The following HRK variants were observed in gnomAD, a reference collection of about 807,000 sequenced individuals.
HRK encodes harakiri, BCL2 interacting protein.
HRK carries 6 observed loss-of-function variants against 5.9 expected under a neutral mutation model. That is an observed-to-expected ratio of 1.02 (90% CI 0.56 to 2.01). HRK has a LOEUF of 2.01. Among genes scored for constraint, HRK ranks in the 30% most tolerant of loss-of-function variants. The pLI, the probability that HRK is intolerant of heterozygous loss-of-function variation, is 0.00. For synonymous variants in HRK, 85 were observed against 65.1 expected (o/e 1.31, Z -1.47); for missense variants, 133 against 128.3 (o/e 1.04, Z -0.18).
chr12:116,864,266 A>C (rs1329420661), intron 1 of HRK, among the ~76,000 whole-genome samples: 2 of 152,210 alleles, frequency 1.3e-5, no homozygotes, highest in Non-Finnish European at 2.9e-5. Flanking sequence ...GGTGGGATGG[A>C]AGGAGAGACA....
Position 116,862,495 on chromosome 12 carries a change from T to C in HRK, c.*57-1029A>G, listed in dbSNP as rs527790015. Among the ~76,000 whole-genome samples, 3 of 152,286 alleles carry C rather than the reference T, an allele frequency of 2.0e-5. No individual in the cohort carries two copies. The highest frequency in any genetic ancestry group is 7.2e-5 in the African/African-American group (3 of 41,568). ...CACATATTGTGTGATTCCATTTATA[T>C]GAAATGTCCACAACAGGCAGATCTT... On this transcript the variant is annotated intron_variant, in intron 1 of 1. Coordinates refer to ENST00000257572, the MANE Select transcript of HRK (RefSeq NM_003806.4). The surrounding 1 kb of genome is among the most constrained non-coding windows in gnomAD (Gnocchi z 4.0).
chr12:116,881,350 G>A lies in HRK; in HGVS notation c.-43C>T. Reference sequence around the variant, plus strand: ...CCGCCCCGCGCTCGGGCCGCCCCTCGCCTCCTCTCCCTCCGGCCTCTGCGC... The same window carrying A: ...CCGCCCCGCGCTCGGGCCGCCCCTCACCTCCTCTCCCTCCGGCCTCTGCGC... On this transcript the variant is annotated 5_prime_UTR_variant, in exon 1 of 2. Transcript: ENST00000257572. 9.6e-7 allele frequency: 1 copy of A among 1,042,392 alleles called. No homozygotes were observed. The allele number at this position is 1,042,392 out of a possible 1,614,324, so 64.6% of individuals were successfully genotyped here.
intron 1 of HRK, among the ~76,000 whole-genome samples, chr12:116,864,702 G>A (rs1010576233): frequency 6.6e-6 from 1 of 152,204 alleles, no homozygotes; most frequent in African/African-American, 2.4e-5. Context: ...GCTCACGCCT[G>A]TAATCCCAGC....
chr12:116,866,432 T>A (rs1175439217), intron 1 of HRK, among the ~76,000 whole-genome samples: 4 of 150,692 alleles, frequency 2.7e-5, no homozygotes, highest in Non-Finnish European at 5.9e-5. Context: ...AAGCTCTCCA[T>A]GCAGAATCCT....
intron 1 of HRK, among the ~76,000 whole-genome samples, chr12:116,870,528 A>G (rs1878708318): frequency 6.6e-6 from 1 of 152,146 alleles, no homozygotes; most frequent in African/African-American, 2.4e-5. Context: ...GGCCAGTGAC[A>G]TGGGCTGGGC....
In HRK at chr12:116,878,887, T is replaced by C. The variant is rs1395329935; in HGVS notation, c.*56+2089A>G. ...GGGGAAATAAACTCCACAGAGACAATAACCTGCTGCTGCCCCCCAACACCG... is the reference window on the plus strand; with the variant it reads ...GGGGAAATAAACTCCACAGAGACAACAACCTGCTGCTGCCCCCCAACACCG... On this transcript the variant is annotated intron_variant, in intron 1 of 1. Transcript: ENST00000257572. This position sits in a 1 kb window ranked among gnomAD's most constrained non-coding sequence, Gnocchi z 4.4. Among the ~76,000 whole-genome samples, 1 of 151,916 alleles carries C rather than the reference T, an allele frequency of 6.6e-6. No homozygotes were observed. Among genetic ancestry groups the C allele is most frequent in the Non-Finnish European group, 1.5e-5 (1 of 67,980 alleles).
intron 1 of HRK, among the ~76,000 whole-genome samples, chr12:116,872,459 A>G (rs539901491): frequency 2.0e-5 from 3 of 152,266 alleles, no homozygotes; most frequent in Admixed American, 2.0e-4. Flanking sequence ...TACAGATAAT[A>G]TATTTATAGT....
In HRK at chr12:116,861,098, GT is replaced by G. The variant is rs1368646951; in HGVS notation, c.*424del. ...TAATTCCCACCAGTCTTTGCAAATA[GT>G]TTCTAAGTACACAGCAGGCATCTCT... On this transcript the variant is annotated 3_prime_UTR_variant, in exon 2 of 2. Transcript: ENST00000257572. 2 of 152,244 alleles carry G rather than the reference GT, an allele frequency of 1.3e-5. No homozygotes were observed. Among genetic ancestry groups the G allele is most frequent in the East Asian group, 3.9e-4 (2 of 5,182 alleles). The allele number at this position is 152,244 out of a possible 1,614,324, so 9.4% of individuals were successfully genotyped here.
chr12:116,859,332 T>C lies in HRK; in HGVS notation c.*2191A>G, dbSNP rs2137240615. ...CATGCCCCCACTACGATCTTGAAGGTACAGCCTTAAAGAAGCAGAGAACTG... is the reference window on the plus strand; with the variant it reads ...CATGCCCCCACTACGATCTTGAAGGCACAGCCTTAAAGAAGCAGAGAACTG... On this transcript the variant is annotated 3_prime_UTR_variant, in exon 2 of 2. Coordinates refer to ENST00000257572, the MANE Select transcript of HRK (RefSeq NM_003806.4). 1 of 152,304 alleles carries C rather than the reference T, an allele frequency of 6.6e-6. No individual in the cohort carries two copies. The highest frequency in any genetic ancestry group is 2.1e-4 in the South Asian group (1 of 4,824). The allele number at this position is 152,304 out of a possible 1,614,324, so 9.4% of individuals were successfully genotyped here.
At position 116,862,846 on chromosome 12, in the gene HRK, C is replaced by T. The variant is rs1878414486; in HGVS notation, c.*57-1380G>A. 6.6e-6 allele frequency among the ~76,000 whole-genome samples: 1 copy of T among 152,152 alleles called. No individual in the cohort carries two copies. The highest frequency in any genetic ancestry group is 1.5e-5 in the Non-Finnish European group (1 of 68,030). ...TCCTGGGTTCAAGCAACCTCTGCCT[C>T]CTGCCTCAGCCTCCCAAGTAGCTGG... On this transcript the variant is annotated intron_variant, in intron 1 of 1. Transcript: ENST00000257572. This position sits in a 1 kb window ranked among gnomAD's most constrained non-coding sequence, Gnocchi z 4.0.
intron 1 of HRK, among the ~76,000 whole-genome samples, chr12:116,871,146 G>A (rs956652979): frequency 1.3e-5 from 2 of 148,458 alleles, no homozygotes; most frequent in African/African-American, 2.6e-5. Context: ...TAGTAGAAGC[G>A]AGGTTTCACC....
chr12:116,876,945 G>A, intron 1 of HRK: 1 of 152,444 alleles, frequency 6.6e-6, no homozygotes, highest in Non-Finnish European at 1.5e-5. Flanking sequence ...TTCCACTGGG[G>A]ATCACTTAGG....
chr12:116,870,399 C>T (rs1211858207), intron 1 of HRK, among the ~76,000 whole-genome samples: 1 of 152,172 alleles, frequency 6.6e-6, no homozygotes, highest in Non-Finnish European at 1.5e-5. Flanking sequence ...AGGCGTCATC[C>T]ACACTCCCAC....
rs1199736870 is a variant in HRK at position 116,858,686 on chromosome 12, TTCTCTC to T, written c.*2831_*2836del. Reference sequence around the variant, plus strand: ...AATTTATTTCAAAGCCTCCCTCCCTTTCTCTCTCTCTCTCTTCACAGACGCTCTGCA... The same window carrying T: ...AATTTATTTCAAAGCCTCCCTCCCTTTCTCTCTCTTCACAGACGCTCTGCA... On this transcript the variant is annotated 3_prime_UTR_variant, in exon 2 of 2. Coordinates refer to ENST00000257572, the MANE Select transcript of HRK (RefSeq NM_003806.4). 6.7e-6 allele frequency: 1 copy of T among 148,558 alleles called. No individual in the cohort carries two copies. The highest frequency in any genetic ancestry group is 1.5e-5 in the Non-Finnish European group (1 of 67,138). The allele number at this position is 148,558 out of a possible 1,614,324, so 9.2% of individuals were successfully genotyped here.
chr12:116,866,336 T>C (rs985623319), intron 1 of HRK, among the ~76,000 whole-genome samples: 6 of 148,966 alleles, frequency 4.0e-5, no homozygotes, highest in Non-Finnish European at 8.9e-5. Flanking sequence ...GCAGGAGGAT[T>C]GCTTGAGCCC....
At chr12:116,873,230 G>C (rs1320401443) in intron 1 of HRK, among the ~76,000 whole-genome samples, 25 of 152,190 alleles carry the variant, frequency 1.6e-4, no homozygotes, top group Non-Finnish European at 7.3e-5. Flanking sequence ...CAAAGTCCTG[G>C]CTCAAGCAAT....
intron 1 of HRK, among the ~76,000 whole-genome samples, chr12:116,864,395 G>A (rs911041522): frequency 3.9e-5 from 6 of 152,190 alleles, no homozygotes; most frequent in Non-Finnish European, 5.9e-5. Flanking sequence ...CTTACTGGAA[G>A]GATATGCCAT....
chr12:116,880,923 C>G (rs1157479948), intron 1 of HRK, 53 bp downstream of exon 1: 5 of 786,522 alleles, frequency 6.4e-6, no homozygotes, highest in Non-Finnish European at 8.5e-6. Context: ...GCCAGCCCAG[C>G]GTCTCCAGTG....
Position 116,881,167 on chromosome 12 carries a change from G to A in HRK, c.141C>T (p.Arg47=). ...TCCGCGCGCGGCGCCGCCACATGGT[G>A]CGCTGGTGCAGCTCGTCGCCTAGCG... is the stretch of plus-strand genomic sequence containing the variant. ...LKALGDELHQ[R]TMWRRRARSR... Residue 47 remains arginine, a synonymous_variant, in exon 1 of 2, where the codon CGC becomes CGT. Coordinates refer to ENST00000257572, the MANE Select transcript of HRK (RefSeq NM_003806.4). 1.7e-6 allele frequency: 2 copies of A among 1,173,372 alleles called. No homozygotes were observed. Among genetic ancestry groups the A allele is most frequent in the African/African-American group, 1.6e-5 (1 of 61,864 alleles). The allele number at this position is 1,173,372 out of a possible 1,614,324, so 72.7% of individuals were successfully genotyped here.
Sources: gnomAD v4.1 joint callset for allele counts (sites outside exome capture counted in the v4.1 genomes callset) on GRCh38, gnomAD v4.1.1 for gene constraint, Gnocchi (gnomAD v3.1) non-coding constraint, MANE v1.5 for transcripts, NCBI Gene and HGNC (gene_info 2026-07-23, HGNC 2026-07-21) for gene names.